MTCL2: variants seen among roughly 807,000 people sequenced by gnomAD.
The protein encoded by MTCL2 is microtubule cross-linking factor 2.
the MTCL2 span, among the ~76,000 whole-genome samples, chr20:36,823,866 G>T: frequency 6.6e-6 from 1 of 152,214 alleles, no homozygotes; most frequent in East Asian, 1.9e-4. Flanking sequence ...TATCATTTCC[G>T]CAAGGTTACA....
At chr20:36,844,626 G>C in the MTCL2 span, among the ~76,000 whole-genome samples, 3 of 151,698 alleles carry the variant, frequency 2.0e-5, no homozygotes, top group Non-Finnish European at 4.4e-5. Context: ...GGAGGTTGGG[G>C]TTCTGTTGAA....
At chr20:36,849,669 CT>C in the MTCL2 span, among the ~76,000 whole-genome samples, 1 of 152,110 alleles carries the variant, frequency 6.6e-6, no homozygotes, top group Non-Finnish European at 1.5e-5. Flanking sequence ...GTAAATCACA[CT>C]TTAAGTGTTC....
chr20:36,786,383 T>G, the MTCL2 span: 1 of 1,395,998 alleles, frequency 7.2e-7, no homozygotes, highest in Non-Finnish European at 9.3e-7. Context: ...GGCCAGGCAA[T>G]GCTGAGGACA....
chr20:36,835,528 AC>A, the MTCL2 span, among the ~76,000 whole-genome samples: 4 of 151,970 alleles, frequency 2.6e-5, no homozygotes, highest in Non-Finnish European at 4.4e-5. Context: ...TCCCAGAGGT[AC>A]CCTCCTAGGC....
the MTCL2 span, among the ~76,000 whole-genome samples, chr20:36,810,754 T>TCTCTCTCTCTCTCTCTCTCTC: frequency 4.7e-5 from 2 of 42,478 alleles, no homozygotes; most frequent in Non-Finnish European, 1.3e-4. Flanking sequence ...CTCTCTCTCT[T>TCTCTCTCTCTCTCTCTCTCTC]TCAACGGAGT....
At chr20:36,859,999 T>C in the MTCL2 span, 1 of 1,052,012 alleles carries the variant, frequency 9.5e-7, no homozygotes, top group Non-Finnish European at 1.2e-6. Context: ...AACCCCTCTA[T>C]TTATGGTCCA....
At chr20:36,784,874 G>A in the MTCL2 span, 5 of 985,330 alleles carry the variant, frequency 5.1e-6, no homozygotes, top group Non-Finnish European at 4.8e-6. Flanking sequence ...GCAAAGCTGC[G>A]ATAAACAACA....
chr20:36,800,336 A>G, the MTCL2 span, among the ~76,000 whole-genome samples: 1 of 152,330 alleles, frequency 6.6e-6, no homozygotes, highest in East Asian at 1.9e-4. Flanking sequence ...ATAGACAGGA[A>G]TTTGGTTTGA....
the MTCL2 span, chr20:36,794,382 G>A: frequency 6.2e-7 from 1 of 1,612,906 alleles, no homozygotes. The surrounding 1 kb of genome is among the most constrained non-coding windows in gnomAD (Gnocchi z 5.4). Flanking sequence ...TGCCTCCCTG[G>A]GGGGTCCTGG....
chr20:36,809,957 C>A, the MTCL2 span: 2 of 1,589,286 alleles, frequency 1.3e-6, no homozygotes, highest in African/African-American at 2.7e-5. Flanking sequence ...GAATAGCTGC[C>A]TGGAAAGCGC....
the MTCL2 span, chr20:36,777,504 C>G: frequency 2.8e-6 from 1 of 362,936 alleles, no homozygotes; most frequent in Non-Finnish European, 4.9e-6. Context: ...TATAAGTTTA[C>G]ACTGTACAGT....
chr20:36,853,270 C>T, the MTCL2 span, among the ~76,000 whole-genome samples: 1 of 152,258 alleles, frequency 6.6e-6, no homozygotes, highest in Admixed American at 6.5e-5. Context: ...CCTGTGCACC[C>T]CTGATCCCCG....
the MTCL2 span, chr20:36,780,127 G>A: frequency 6.6e-6 from 1 of 152,180 alleles, no homozygotes; most frequent in Admixed American, 6.5e-5. Context: ...CCTCTGGTTT[G>A]CGATGTGACC....
the MTCL2 span, among the ~76,000 whole-genome samples, chr20:36,851,533 G>T: frequency 6.6e-6 from 1 of 152,148 alleles, no homozygotes; most frequent in Non-Finnish European, 1.5e-5. Flanking sequence ...CTTTGGCCTT[G>T]CAGTTTCCTC....
the MTCL2 span, chr20:36,817,466 A>C: frequency 6.4e-7 from 1 of 1,562,438 alleles, no homozygotes; most frequent in African/African-American, 1.4e-5. Flanking sequence ...TTCTTCAAGG[A>C]ATGCTGAAGT....
At chr20:36,839,422 C>A in the MTCL2 span, 1 of 1,613,436 alleles carries the variant, frequency 6.2e-7, no homozygotes, top group Non-Finnish European at 8.5e-7. This position sits in a 1 kb window ranked among gnomAD's most constrained non-coding sequence, Gnocchi z 5.1. Flanking sequence ...CATCTCGGCC[C>A]GCAGCTCCTC....
the MTCL2 span, among the ~76,000 whole-genome samples, chr20:36,855,893 C>T: frequency 6.6e-6 from 1 of 152,126 alleles, no homozygotes; most frequent in South Asian, 2.1e-4. Context: ...GTGGAGTTGG[C>T]CCCTAGACCA....
At chr20:36,786,906 T>G in the MTCL2 span, among the ~76,000 whole-genome samples, 2 of 152,204 alleles carry the variant, frequency 1.3e-5, no homozygotes, top group African/African-American at 4.8e-5. Context: ...ATTCTTAACA[T>G]ACATTTACCA....
At chr20:36,786,584 C>T in the MTCL2 span, 10 of 1,550,856 alleles carry the variant, frequency 6.4e-6, no homozygotes, top group African/African-American at 4.1e-5. Flanking sequence ...CAGAGCGGGA[C>T]GATCGGGCGA....
Sources: gnomAD v4.1 joint callset for allele counts (sites outside exome capture counted in the v4.1 genomes callset) on GRCh38, gnomAD v4.1.1 for gene constraint, Gnocchi (gnomAD v3.1) non-coding constraint, MANE v1.5 for transcripts, NCBI Gene and HGNC (gene_info 2026-07-23, HGNC 2026-07-21) for gene names.